The following CSPP1 variants were observed in gnomAD, a reference collection of about 807,000 sequenced individuals.
CSPP1 encodes centrosome and spindle pole-associated protein 1.
CSPP1 carries 126 observed loss-of-function variants against 164.4 expected under a neutral mutation model. That is an observed-to-expected ratio of 0.77 (90% confidence interval 0.66 to 0.89). The LOEUF is 0.89. Among genes scored for constraint, CSPP1 ranks in the 40% least tolerant of loss-of-function variants. The probability of loss-of-function intolerance (pLI) is 0.00; values close to 1 mark genes in which losing one functional copy is unlikely to be tolerated. For missense variants in CSPP1, 1,395 were observed against 1,449.8 expected (o/e 0.96, Z 0.61); for synonymous variants, 472 against 476.7 (o/e 0.99, Z 0.13).
At chr8:67,195,327 T>C (rs1372103955) in intron 30 of CSPP1, 55 bp from the exon 31 acceptor site, 1 of 1,090,784 alleles carries the variant, frequency 9.2e-7, no homozygotes, top group East Asian at 2.3e-5. Flanking sequence ...CCTGCGCTTA[T>C]GTCTCCTGCC....
At chr8:67,077,416 G>A (rs1276481042) in intron 3 of CSPP1, among the ~76,000 whole-genome samples, 4 of 151,428 alleles carry the variant, frequency 2.6e-5, no homozygotes, top group Non-Finnish European at 5.9e-5. Flanking sequence ...GCTCACTGCC[G>A]CCTCCACCTC....
intron 15 of CSPP1, among the ~76,000 whole-genome samples, chr8:67,119,851 T>C (rs551203265): frequency 6.6e-6 from 1 of 152,326 alleles, no homozygotes; most frequent in South Asian, 2.1e-4. Flanking sequence ...TATTGCCTTT[T>C]GATGCACAAA....
At chr8:67,123,610 G>GTTT (rs566476440) in intron 15 of CSPP1, among the ~76,000 whole-genome samples, 1 of 128,122 alleles carries the variant, frequency 7.8e-6, no homozygotes. Context: ...TTTCTTCTTC[G>GTTT]TTTTTTTTTT....
chr8:67,116,118 C>G lies in CSPP1; in HGVS notation c.1492C>G (p.Pro498Ala). ...CAGCGCCCTTGGTGAAATGGTGTCT[C>G]CCAGGTGCTTGTTTAAATGTTTTGT... The part of the protein sequence containing the change: ...LSSALGEMVS[P>A]RIAPLPPPPL... Residue 498 changes from proline (P) to alanine (A), a missense_variant, in exon 13 of 31, where the codon CCC becomes GCC. Pro to Ala is a conservative substitution (Grantham distance 27). Coordinates refer to ENST00000678616, the MANE Select transcript of CSPP1 (RefSeq NM_001382391.1). The G allele has an allele frequency of 6.2e-7, 1 of 1,610,782 alleles. No individual in the cohort carries two copies. The highest frequency in any genetic ancestry group is 8.5e-7 in the Non-Finnish European group (1 of 1,177,014).
chr8:67,149,701 T>C (rs1207222958), intron 17 of CSPP1, 82 bp from the exon 18 acceptor site: 1 of 985,296 alleles, frequency 1.0e-6, no homozygotes, highest in Non-Finnish European at 1.4e-6. Context: ...TCTTTCTGAC[T>C]TCCTATTTTA....
chr8:67,190,581 T>C, intron 28 of CSPP1, 69 bp from the exon 29 acceptor site: 1 of 1,146,802 alleles, frequency 8.7e-7, no homozygotes, highest in Middle Eastern at 1.9e-4. Context: ...ATTAAAAGGC[T>C]CTTGGTTTAG....
At chr8:67,066,253 A>G (rs1328180491) in intron 1 of CSPP1, among the ~76,000 whole-genome samples, 1 of 152,094 alleles carries the variant, frequency 6.6e-6, no homozygotes, top group Non-Finnish European at 1.5e-5. Context: ...ATTTAGGGAA[A>G]TTTGTCAAAA....
At chr8:67,090,922 A>G (rs1212739021) in intron 4 of CSPP1, among the ~76,000 whole-genome samples, 1 of 152,218 alleles carries the variant, frequency 6.6e-6, no homozygotes, top group East Asian at 1.9e-4. Context: ...TAGACAAGGA[A>G]ACTGAAATGA....
At position 67,116,024 on chromosome 8, in the gene CSPP1, A is replaced by G. The variant is rs182555422; in HGVS notation, c.1398A>G (p.Pro466=). The G allele has an allele frequency of 1.9e-6, 3 of 1,613,990 alleles. No individual in the cohort carries two copies. In the East Asian group the frequency reaches 6.7e-5, roughly 36 times the overall value. Residue 466 remains proline, a synonymous_variant, in exon 13 of 31, where the codon CCA becomes CCG. Transcript: ENST00000678616. ...FQTPLPPLSA[P]SVPPIPSVHP... is the part of the protein sequence containing the mutation. Reference sequence around the variant, plus strand: ...CACCTCTCCCTCCTTTATCTGCCCCATCTGTCCCACCCATCCCATCAGTTC... The same window carrying G: ...CACCTCTCCCTCCTTTATCTGCCCCGTCTGTCCCACCCATCCCATCAGTTC...
At chr8:67,074,408 T>G in intron 2 of CSPP1, 57 bp downstream of exon 2, 1 of 1,049,556 alleles carries the variant, frequency 9.5e-7, no homozygotes, top group Non-Finnish European at 1.4e-6. Flanking sequence ...TGGAGATTAC[T>G]CCTGTGTAAA....
chr8:67,195,424 A>G lies in CSPP1; in HGVS notation c.3512A>G (p.His1171Arg). The change falls in exon 31 of 31, where the codon CAC becomes CGC. Residue 1171 changes from histidine to arginine, a missense_variant. Coordinates refer to ENST00000678616, the MANE Select transcript of CSPP1 (RefSeq NM_001382391.1). ...GTTGACCCTGATGACATCATGAAAC[A>G]CATAGGGGATGACGGATCAAACTCT... ...SLVDPDDIMK[H>R]IGDDGSNSVA... 6.2e-7 allele frequency: 1 copy of G among 1,614,192 alleles called. No homozygotes were observed.
chr8:67,147,307 G>A (rs963483770), intron 17 of CSPP1, among the ~76,000 whole-genome samples: 1 of 152,140 alleles, frequency 6.6e-6, no homozygotes, highest in Admixed American at 6.5e-5. Context: ...CCAGTCCTTG[G>A]CACTTGGGAA....
At chr8:67,130,462 T>C (rs1820995858) in intron 15 of CSPP1, among the ~76,000 whole-genome samples, 1 of 152,208 alleles carries the variant, frequency 6.6e-6, no homozygotes, top group Non-Finnish European at 1.5e-5. Context: ...ACCTTCTTTA[T>C]TCATTTACAC....
chr8:67,164,350 T>C (rs1277863133), intron 23 of CSPP1, 41 bp from the exon 24 acceptor site: 1 of 936,636 alleles, frequency 1.1e-6, no homozygotes, highest in Non-Finnish European at 1.8e-6. Context: ...CTTTTGTTCT[T>C]ATTCCTGTCT....
At chr8:67,194,726 G>A (rs189028188) in intron 30 of CSPP1, among the ~76,000 whole-genome samples, 73 of 150,726 alleles carry the variant, frequency 4.8e-4, no homozygotes, top group African/African-American at 1.6e-3. Flanking sequence ...AGGGTAGGAA[G>A]ACAGATTTTC....
intron 8 of CSPP1, 132 bp downstream of exon 8, chr8:67,103,267 A>G: frequency 1.7e-6 from 1 of 583,698 alleles, no homozygotes; most frequent in Non-Finnish European, 3.0e-6. Flanking sequence ...GAAGTGAATT[A>G]AAGGAAAAGA....
At chr8:67,114,118 A>G in intron 11 of CSPP1, 1 of 286,726 alleles carries the variant, frequency 3.5e-6, no homozygotes, top group Non-Finnish European at 6.4e-6. Context: ...CACATGTACT[A>G]TTCCATGGGA....
chr8:67,100,605 G>T (rs551715980), intron 7 of CSPP1, among the ~76,000 whole-genome samples: 1 of 150,072 alleles, frequency 6.7e-6, no homozygotes, highest in Non-Finnish European at 1.5e-5. Context: ...TTTGAGACAG[G>T]GTCTTACTCT....
chr8:67,064,491 C>G lies in CSPP1; in HGVS notation c.-58C>G, dbSNP rs769065600. 6.2e-7 allele frequency: 1 copy of G among 1,613,780 alleles called. No individual in the cohort carries two copies. Among genetic ancestry groups the G allele is most frequent in the South Asian group, 1.1e-5 (1 of 91,054 alleles). On this transcript the variant is annotated 5_prime_UTR_variant, in exon 1 of 31. Coordinates refer to ENST00000678616, the MANE Select transcript of CSPP1 (RefSeq NM_001382391.1). The stretch of plus-strand genomic sequence containing the variant: ...TGTCTCCCCGGACGCGAGCCCGCTC[C>G]CCTGAGTAAGAGTCAGCCAGCCGCG...
Sources: allele counts gnomAD v4.1 joint callset (sites outside exome capture counted in the v4.1 genomes callset), GRCh38; gene constraint gnomAD v4.1.1; transcripts MANE v1.5; gene names NCBI Gene and HGNC (gene_info 2026-07-23, HGNC 2026-07-21).